Variants in RGS22 observed in about 807,000 individuals in gnomAD.
RGS22 encodes the protein regulator of G-protein signaling 22.
Under a neutral mutation model 172.9 loss-of-function variants are expected in RGS22, and 148 were observed. The ratio of observed to expected loss-of-function variants is 0.86; its 90% confidence interval spans 0.75 to 0.98. The LOEUF is 0.98. RGS22 is among the 50% of genes least tolerant of loss of function. The probability of loss-of-function intolerance (pLI) is 0.00; values close to 1 mark genes in which losing one functional copy is unlikely to be tolerated. For synonymous variants in RGS22, 458 were observed against 480.2 expected (o/e 0.95, Z 0.60); for missense variants, 1,347 against 1,440.8 (o/e 0.93, Z 1.05).
At position 100,080,292 on chromosome 8, in the gene RGS22, G is replaced by C. The variant is rs768984416; in HGVS notation, c.181C>G (p.Pro61Ala). The C allele has an allele frequency of 6.8e-6, 11 of 1,613,596 alleles. No individual in the cohort carries two copies. In the African/African-American group the frequency reaches 1.1e-4, roughly 16 times the overall value. Residue 61 changes from proline to alanine, a missense_variant, in exon 4 of 28, where the codon CCA (proline) becomes GCA (alanine). Physicochemically the swap from Pro to Ala is conservative, Grantham distance 27. Coordinates refer to ENST00000360863, the MANE Select transcript of RGS22 (RefSeq NM_015668.5). ...YGVFEVANDAPQFLEKQLKKI... is the reference protein window; with the variant it reads ...YGVFEVANDAAQFLEKQLKKI... ...TTCAGTTGTTTTTCCAGAAATTGTGGAGCATCATTAGCTACTTCAAAAACT... is the reference window on the plus strand; with the variant it reads ...TTCAGTTGTTTTTCCAGAAATTGTGCAGCATCATTAGCTACTTCAAAAACT...
intron 14 of RGS22, among the ~76,000 whole-genome samples, chr8:100,010,754 G>A (rs142346167): frequency 6.6e-6 from 1 of 151,470 alleles, no homozygotes; most frequent in Non-Finnish European, 1.5e-5. Flanking sequence ...ACTCATTTAT[G>A]TATTGGACTA....
At chr8:99,971,400 T>G (rs546202360) in intron 23 of RGS22, among the ~76,000 whole-genome samples, 4 of 152,232 alleles carry the variant, frequency 2.6e-5, no homozygotes, top group Non-Finnish European at 4.4e-5. Context: ...GAGAAAGAAA[T>G]AAAGGGTATT....
Position 100,072,140 on chromosome 8 carries a change from A to C in RGS22, c.425+5T>G. On this transcript the variant is annotated splice_donor_5th_base_variant and intron_variant, in intron 5 of 27. Transcript: ENST00000360863. ...AAAATACATATATTGATGGGACTAT[A>C]GTACCTGTATTCAAAGTAACAATCA... The C allele has an allele frequency of 6.5e-7, 1 of 1,545,226 alleles. No homozygotes were observed. The highest frequency in any genetic ancestry group is 8.9e-7 in the Non-Finnish European group (1 of 1,126,556).
chr8:100,016,106 T>C (rs1389645293), intron 14 of RGS22, among the ~76,000 whole-genome samples: 1 of 152,208 alleles, frequency 6.6e-6, no homozygotes, highest in African/African-American at 2.4e-5. Context: ...TAGAAACACT[T>C]GACACATATT....
chr8:100,035,765 A>G (rs990449644), intron 14 of RGS22, among the ~76,000 whole-genome samples: 2 of 152,326 alleles, frequency 1.3e-5, no homozygotes. Flanking sequence ...ACACCATGGA[A>G]TACTATGCAG....
At chr8:100,047,960 A>C (rs1381248560) in intron 10 of RGS22, among the ~76,000 whole-genome samples, 1 of 81,062 alleles carries the variant, frequency 1.2e-5, no homozygotes, top group African/African-American at 7.3e-5. Flanking sequence ...CTGTGTGTGT[A>C]CTGGGGGGGG....
intron 1 of RGS22, 89 bp from the exon 2 acceptor site, chr8:100,105,491 G>GT (rs1813861092): frequency 7.5e-6 from 8 of 1,068,054 alleles, no homozygotes; most frequent in Non-Finnish European, 1.2e-5. Flanking sequence ...CTAGCCCTAC[G>GT]TTATACACAG....
In RGS22 at chr8:99,987,237, G is replaced by A. The variant is rs191619757; in HGVS notation, c.3180+221C>T. On this transcript the variant is annotated intron_variant, in intron 21 of 27. Coordinates refer to ENST00000360863, the MANE Select transcript of RGS22 (RefSeq NM_015668.5). ...TTTTCAGACTTGGAATGCCCAACCT[G>A]TGTTATCATTCCAGGGCTCACTCTT... 2.2e-3 allele frequency among the ~76,000 whole-genome samples: 341 copies of A among 152,260 alleles called. 1 individual carries two copies. The highest frequency in any genetic ancestry group is 7.2e-3 in the African/African-American group (299 of 41,544).
Position 100,105,930 on chromosome 8 carries a change from C to T in RGS22, c.-9G>A. 1.3e-6 allele frequency: 2 copies of T among 1,482,358 alleles called. No homozygotes were observed. Among genetic ancestry groups the T allele is most frequent in the East Asian group, 3.0e-5 (1 of 33,624 alleles). The allele number at this position is 1,482,358 out of a possible 1,614,324, so 91.8% of individuals were successfully genotyped here. ...AGCCTCTTCTCGGGCATGCCGTCCC[C>T]GCTGCCCGCGCCTGGAGCCCGCGCG... On this transcript the variant is annotated 5_prime_UTR_variant, in exon 1 of 28. Coordinates refer to ENST00000360863, the MANE Select transcript of RGS22 (RefSeq NM_015668.5).
chr8:100,035,964 G>T (rs886716600), intron 14 of RGS22, among the ~76,000 whole-genome samples: 7 of 151,960 alleles, frequency 4.6e-5, no homozygotes, highest in South Asian at 2.1e-4. Context: ...GTTGTGGAGT[G>T]GGGGGCTGGG....
chr8:100,034,359 T>C (rs1819199309), intron 14 of RGS22, among the ~76,000 whole-genome samples: 1 of 152,120 alleles, frequency 6.6e-6, no homozygotes, highest in Admixed American at 6.5e-5. Context: ...TGAATTCCCA[T>C]TCACAATTGC....
chr8:100,044,351 A>G (rs1222791388), intron 11 of RGS22, among the ~76,000 whole-genome samples: 1 of 152,224 alleles, frequency 6.6e-6, no homozygotes, highest in Non-Finnish European at 1.5e-5. Context: ...GGTTAAAGGT[A>G]TTCTCCTGCA....
chr8:100,105,230 C>A, intron 2 of RGS22, 144 bp downstream of exon 2: 3 of 656,000 alleles, frequency 4.6e-6, no homozygotes, highest in Non-Finnish European at 8.1e-6. Context: ...TTAAAAAGAT[C>A]TTGTACACAG....
At chr8:100,035,613 A>C (rs1819360619) in intron 14 of RGS22, among the ~76,000 whole-genome samples, 2 of 152,186 alleles carry the variant, frequency 1.3e-5, no homozygotes, top group South Asian at 4.1e-4. Context: ...ACTGGGTATA[A>C]ACCCAATGGA....
At chr8:100,040,140 T>A (rs1041481042) in intron 12 of RGS22, 53 bp from the exon 13 acceptor site, 13 of 1,523,966 alleles carry the variant, frequency 8.5e-6, no homozygotes, top group Non-Finnish European at 1.1e-5. Flanking sequence ...GTAATTTTTT[T>A]ATGGCATTAC....
chr8:100,085,848 C>T (rs541723442), intron 3 of RGS22, among the ~76,000 whole-genome samples: 1 of 152,308 alleles, frequency 6.6e-6, no homozygotes, highest in East Asian at 1.9e-4. Context: ...CTTCATGTCA[C>T]TCTTTAAACC....
At chr8:100,085,930 C>T (rs1049832562) in intron 3 of RGS22, among the ~76,000 whole-genome samples, 1 of 152,094 alleles carries the variant, frequency 6.6e-6, no homozygotes, top group Non-Finnish European at 1.5e-5. Flanking sequence ...CAGTTTAACA[C>T]AGAACAAGCA....
chr8:100,060,095 C>T (rs77905913), intron 9 of RGS22, among the ~76,000 whole-genome samples: 296 of 152,136 alleles, frequency 1.9e-3, no homozygotes, highest in African/African-American at 6.6e-3. Flanking sequence ...ACAATCAGAT[C>T]GATCACACTC....
rs546781404 is a variant in RGS22 at position 100,022,900 on chromosome 8, G to A, written c.2167-14331C>T. ...ACACCACCAAACCAGGCTAATTTTT[G>A]TATTTTTTTTGTAGAGATAGGGTTT... On this transcript the variant is annotated intron_variant, in intron 14 of 27. Transcript: ENST00000360863. Among the ~76,000 whole-genome samples the A allele has an allele frequency of 1.9e-3, 293 of 151,990 alleles. 3 individuals carry two copies. Among genetic ancestry groups the A allele is most frequent in the South Asian group, 3.1e-3 (15 of 4,818 alleles).
Sources: allele counts gnomAD v4.1 joint callset (sites outside exome capture counted in the v4.1 genomes callset), GRCh38; gene constraint gnomAD v4.1.1; transcripts MANE v1.5; gene names NCBI Gene and HGNC (gene_info 2026-07-23, HGNC 2026-07-21).